MLIP: variants seen among roughly 807,000 people sequenced by gnomAD.
MLIP encodes the protein muscular LMNA-interacting protein.
Under a neutral mutation model 84.8 loss-of-function variants are expected in MLIP, and 79 were observed. The observed-to-expected ratio is 0.93, with a 90% CI of 0.78 to 1.12. The LOEUF (loss-of-function observed/expected upper bound fraction) is 1.12. Ranked by LOEUF, MLIP falls within the 50% of genes most tolerant of loss-of-function variation. MLIP has a pLI of 0.00. For missense variants in MLIP, 1,257 were observed against 1,160.6 expected (o/e 1.08, Z -1.21); for synonymous variants, 504 against 463.0 (o/e 1.09, Z -1.14).
At chr6:54,223,266 CT>C (rs1780340110) in intron 11 of MLIP, among the ~76,000 whole-genome samples, 1 of 149,018 alleles carries the variant, frequency 6.7e-6, no homozygotes, top group Non-Finnish European at 1.5e-5. Flanking sequence ...TCTATTTTTG[CT>C]TTTGGTGTCT....
At position 54,064,974 on chromosome 6, in the gene MLIP, G is replaced by A. The variant is rs1460100894; in HGVS notation, c.63+45883G>A. Among the ~76,000 whole-genome samples the A allele has an allele frequency of 2.6e-4, 26 of 99,274 alleles. 4 individuals are homozygous for A. The highest frequency in any genetic ancestry group is 6.7e-4 in the African/African-American group (26 of 38,976). 65.1% of individuals were successfully genotyped at this position (99,274 alleles called of 152,430 possible). A position where few individuals can be genotyped will look rare whatever the true frequency, so the allele number is the denominator to read the frequency against. ...CTACCAACATACAACAACAACCACA[G>A]AAAACACAAACTGATCTGAAGGCAG... On this transcript the variant is annotated intron_variant, in intron 1 of 12. Transcript: ENST00000274897.
chr6:54,115,135 T>C (rs552236053), intron 1 of MLIP, among the ~76,000 whole-genome samples: 125 of 152,166 alleles, frequency 8.2e-4, no homozygotes, highest in African/African-American at 2.9e-3. Flanking sequence ...TGAAAAGCCT[T>C]CTTGAGGCTC....
At chr6:54,167,820 G>T (rs1226091951) in intron 8 of MLIP, among the ~76,000 whole-genome samples, 1 of 151,726 alleles carries the variant, frequency 6.6e-6, no homozygotes, top group Non-Finnish European at 1.5e-5. Context: ...TTGATATCAG[G>T]CTGAAGACCA....
At chr6:54,101,521 A>C (rs1411053575) in intron 1 of MLIP, among the ~76,000 whole-genome samples, 1 of 152,138 alleles carries the variant, frequency 6.6e-6, no homozygotes, top group Non-Finnish European at 1.5e-5. Flanking sequence ...GTTATATAGG[A>C]TTATCCATGA....
At chr6:54,092,428 G>T (rs1159403594) in intron 1 of MLIP, among the ~76,000 whole-genome samples, 1 of 152,080 alleles carries the variant, frequency 6.6e-6, no homozygotes, top group Non-Finnish European at 1.5e-5. Flanking sequence ...TCCTATGTTT[G>T]ACAGGCTATT....
intron 9 of MLIP, among the ~76,000 whole-genome samples, chr6:54,173,257 T>TTTG (rs1183470488): frequency 2.6e-5 from 4 of 151,766 alleles, no homozygotes; most frequent in African/African-American, 9.7e-5. Flanking sequence ...GTTTCTGCCA[T>TTTG]TTGATACTTC....
chr6:54,034,672 T>TA (rs1349207790), intron 1 of MLIP, among the ~76,000 whole-genome samples: 1 of 152,088 alleles, frequency 6.6e-6, no homozygotes, highest in Non-Finnish European at 1.5e-5. Context: ...GTCAAAAAGT[T>TA]AAAAAAATGT....
intron 1 of MLIP, chr6:54,099,464 T>C (rs1768476954): frequency 6.6e-6 from 1 of 152,136 alleles, no homozygotes; most frequent in African/African-American, 2.4e-5. Context: ...TTCACATAGT[T>C]TGAAGGCTCG....
chr6:54,217,004 C>T (rs1779900970), intron 11 of MLIP: 1 of 985,380 alleles, frequency 1.0e-6, no homozygotes, highest in Non-Finnish European at 1.2e-6. Context: ...TGCTATGGCT[C>T]TGATTTTAAA....
chr6:54,111,221 C>A (rs78262540), upstream of MLIP, among the ~76,000 whole-genome samples: 1 of 148,120 alleles, frequency 6.8e-6, no homozygotes, highest in Non-Finnish European at 1.5e-5. Context: ...GGCTTTTTTT[C>A]TTTTTCTTTT....
chr6:54,241,349 T>C (rs1186744149), intron 12 of MLIP, among the ~76,000 whole-genome samples: 1 of 151,904 alleles, frequency 6.6e-6, no homozygotes, highest in Non-Finnish European at 1.5e-5. Flanking sequence ...ACCTATCTAG[T>C]ATATTAGCTT....
intron 1 of MLIP, among the ~76,000 whole-genome samples, chr6:54,051,524 T>C (rs2150317439): frequency 6.6e-6 from 1 of 152,232 alleles, no homozygotes; most frequent in Non-Finnish European, 1.5e-5. Flanking sequence ...AGACTGCTTT[T>C]TCCTCTTTAC....
At chr6:54,063,888 A>G (rs1166604429) in intron 1 of MLIP, among the ~76,000 whole-genome samples, 10 of 152,192 alleles carry the variant, frequency 6.6e-5, no homozygotes, top group Non-Finnish European at 1.5e-4. Flanking sequence ...ACAATCTAAG[A>G]GTTAGAAAGT....
intron 4 of MLIP, among the ~76,000 whole-genome samples, chr6:54,139,004 T>C (rs1194760792): frequency 6.6e-6 from 1 of 152,236 alleles, no homozygotes; most frequent in African/African-American, 2.4e-5. Context: ...ACTTTTCAGA[T>C]GATGAATGTC....
At chr6:54,038,569 CA>C (rs1451204321) in intron 1 of MLIP, among the ~76,000 whole-genome samples, 1 of 151,710 alleles carries the variant, frequency 6.6e-6, no homozygotes, top group African/African-American at 2.4e-5. Context: ...TATCATTCCT[CA>C]TTTTTTTGGC....
chr6:54,251,685 T>TG (rs1782524282), intron 12 of MLIP, among the ~76,000 whole-genome samples: 5 of 102,832 alleles, frequency 4.9e-5, no homozygotes, highest in Non-Finnish European at 8.4e-5. Flanking sequence ...ACATATAATA[T>TG]AAATATATAT....
chr6:54,230,641 C>T (rs886169468), intron 11 of MLIP, 73 bp from the exon 12 acceptor site: 10 of 1,360,376 alleles, frequency 7.4e-6, no homozygotes, highest in African/African-American at 2.9e-5. Context: ...CTATGTCTAT[C>T]GTAGACCTAA....
chr6:54,029,036 T>G (rs1763977691), intron 1 of MLIP: 1 of 152,328 alleles, frequency 6.6e-6, no homozygotes, highest in East Asian at 1.9e-4. Flanking sequence ...TACTCTCATT[T>G]TAATAGTGTC....
chr6:54,029,527 G>T (rs769555989), intron 1 of MLIP: 3 of 152,210 alleles, frequency 2.0e-5, no homozygotes, highest in Non-Finnish European at 4.4e-5. Context: ...TGGGCTTCCC[G>T]GAGTATATTT....
Sources: allele counts gnomAD v4.1 joint callset (sites outside exome capture counted in the v4.1 genomes callset), GRCh38; gene constraint gnomAD v4.1.1; transcripts MANE v1.5; gene names NCBI Gene and HGNC (gene_info 2026-07-23, HGNC 2026-07-21).